SGCZ: variants seen among roughly 807,000 people sequenced by gnomAD.
SGCZ encodes sarcoglycan zeta, also known as zeta-sarcoglycan.
A neutral mutation model predicts 41.3 loss-of-function variants in SGCZ; 40 were observed. The observed-to-expected ratio is 0.97, with a 90% confidence interval of 0.75 to 1.26. SGCZ has a LOEUF of 1.26. SGCZ is among the 50% of genes most tolerant of loss of function. SGCZ has a pLI of 0.00. For synonymous variants in SGCZ, 206 were observed against 137.5 expected (o/e 1.50, Z -3.49); for missense variants, 552 against 369.8 (o/e 1.49, Z -4.04).
rs1302218204 is a variant in SGCZ, at chr8:14,164,568, C to A, written c.547+12G>T. 3 of 1,612,714 alleles carry A rather than the reference C, an allele frequency of 1.9e-6. No homozygotes were observed. The highest frequency in any genetic ancestry group is 3.3e-4 in the Middle Eastern group (2 of 6,050). On this transcript the variant is annotated intron_variant, in intron 5 of 7. Transcript: ENST00000382080. Reference sequence around the variant, plus strand: ...GAAGTAAACAATTTTTCAAGACCTCCATCTACAGTACCTGTAACTTTCAGC... The same window carrying A: ...GAAGTAAACAATTTTTCAAGACCTCAATCTACAGTACCTGTAACTTTCAGC...
intron 1 of SGCZ, among the ~76,000 whole-genome samples, chr8:14,622,476 C>A (rs901616640): frequency 1.3e-5 from 2 of 152,026 alleles, no homozygotes; most frequent in African/African-American, 4.8e-5. Flanking sequence ...CAGAGAAGCC[C>A]AATTAATTAG....
At chr8:14,425,243 G>A (rs1449751096) in intron 2 of SGCZ, among the ~76,000 whole-genome samples, 2 of 152,186 alleles carry the variant, frequency 1.3e-5, no homozygotes, top group African/African-American at 2.4e-5. Context: ...CCAGCTGAGA[G>A]TATCATCTTC....
intron 1 of SGCZ, among the ~76,000 whole-genome samples, chr8:15,108,511 A>T (rs550601459): frequency 3.3e-5 from 5 of 152,320 alleles, no homozygotes; most frequent in African/African-American, 4.8e-5. Context: ...GTAAACAACC[A>T]TTGAACAACT....
At chr8:14,973,339 G>A (rs1273968051) in intron 1 of SGCZ, among the ~76,000 whole-genome samples, 1 of 152,118 alleles carries the variant, frequency 6.6e-6, no homozygotes, top group African/African-American at 2.4e-5. Context: ...AAAATGACTA[G>A]AGAAAGTTTA....
intron 5 of SGCZ, among the ~76,000 whole-genome samples, chr8:14,122,038 G>C (rs1489987743): frequency 6.6e-6 from 1 of 152,138 alleles, no homozygotes; most frequent in African/African-American, 2.4e-5. Context: ...CAGCACTTTG[G>C]GAGGCCGAGG....
At chr8:15,054,370 G>C (rs1048523243) in intron 1 of SGCZ, among the ~76,000 whole-genome samples, 11 of 152,130 alleles carry the variant, frequency 7.2e-5, no homozygotes, top group Admixed American at 3.3e-4. Context: ...GCAGAACGTA[G>C]CTTGGAGGCT....
At chr8:14,730,604 G>C (rs1810206251) in intron 1 of SGCZ, among the ~76,000 whole-genome samples, 1 of 148,846 alleles carries the variant, frequency 6.7e-6, no homozygotes, top group Non-Finnish European at 1.5e-5. Flanking sequence ...GCTAACATCA[G>C]GTTCTGCTTG....
At chr8:14,493,461 G>C (rs928397179) in intron 2 of SGCZ, among the ~76,000 whole-genome samples, 5 of 143,766 alleles carry the variant, frequency 3.5e-5, no homozygotes, top group Non-Finnish European at 7.5e-5. Context: ...CTGCCTCCCA[G>C]GGTTCAAGCG....
At chr8:14,189,041 T>G (rs1236657841) in intron 4 of SGCZ, among the ~76,000 whole-genome samples, 1 of 150,942 alleles carries the variant, frequency 6.6e-6, no homozygotes, top group African/African-American at 2.4e-5. Flanking sequence ...GTATTTTTAG[T>G]AGAGATGGGG....
At chr8:15,095,455 T>C (rs1242384225) in intron 1 of SGCZ, among the ~76,000 whole-genome samples, 1 of 152,248 alleles carries the variant, frequency 6.6e-6, no homozygotes, top group Non-Finnish European at 1.5e-5. Flanking sequence ...GCATAGTTTC[T>C]TTTTGTTTCT....
intron 3 of SGCZ, among the ~76,000 whole-genome samples, chr8:14,284,893 G>C (rs891434779): frequency 6.6e-6 from 1 of 152,040 alleles, no homozygotes; most frequent in African/African-American, 2.4e-5. Flanking sequence ...CTGCTTTTCT[G>C]TTGATTTTTG....
chr8:15,213,930 T>A (rs1174822409), intron 1 of SGCZ, among the ~76,000 whole-genome samples: 1 of 152,022 alleles, frequency 6.6e-6, no homozygotes, highest in East Asian at 1.9e-4. Flanking sequence ...AACATCAAAT[T>A]ATACTTATTT....
intron 1 of SGCZ, among the ~76,000 whole-genome samples, chr8:14,652,205 G>T (rs35461573): frequency 0.21 from 31,769 of 151,344 alleles, 3,761 homozygotes; most frequent in South Asian, 0.35. Context: ...GCTGGGCGTG[G>T]TGGCGAATGC....
intron 1 of SGCZ, among the ~76,000 whole-genome samples, chr8:14,806,800 A>G (rs1271529917): frequency 1.3e-5 from 2 of 152,082 alleles, no homozygotes; most frequent in African/African-American, 4.8e-5. Flanking sequence ...TTAGACCAAT[A>G]TCCTTGATGA....
intron 1 of SGCZ, among the ~76,000 whole-genome samples, chr8:14,644,478 C>A (rs2117438047): frequency 6.7e-6 from 1 of 149,492 alleles, no homozygotes; most frequent in African/African-American, 2.5e-5. Context: ...ACTTCCCAGT[C>A]TTTACAGTTG....
At chr8:14,740,115 A>G (rs189463197) in intron 1 of SGCZ, among the ~76,000 whole-genome samples, 7 of 152,080 alleles carry the variant, frequency 4.6e-5, no homozygotes, top group Non-Finnish European at 1.0e-4. Flanking sequence ...GTAGCTATCA[A>G]GCATTATATA....
chr8:14,516,751 T>C (rs1585620988), intron 2 of SGCZ, among the ~76,000 whole-genome samples: 1 of 152,148 alleles, frequency 6.6e-6, no homozygotes, highest in Non-Finnish European at 1.5e-5. Flanking sequence ...CTATGGAGAC[T>C]GGGAACACCT....
At chr8:14,652,655 T>G (rs1807443710) in intron 1 of SGCZ, among the ~76,000 whole-genome samples, 1 of 152,076 alleles carries the variant, frequency 6.6e-6, no homozygotes, top group Non-Finnish European at 1.5e-5. Context: ...TGTGCCATTT[T>G]GTCTTTGTTG....
At chr8:15,029,911 A>G (rs569137356) in intron 1 of SGCZ, among the ~76,000 whole-genome samples, 1 of 152,000 alleles carries the variant, frequency 6.6e-6, no homozygotes, top group South Asian at 2.1e-4. Flanking sequence ...AAAGCAAGCA[A>G]GTGATCTGAA....
Sources: allele counts gnomAD v4.1 joint callset (sites outside exome capture counted in the v4.1 genomes callset), GRCh38; gene constraint gnomAD v4.1.1; transcripts MANE v1.5; gene names NCBI Gene and HGNC (gene_info 2026-07-23, HGNC 2026-07-21).